Variants in KCNH8 observed in about 807,000 individuals in gnomAD.
The protein encoded by KCNH8 is voltage-gated delayed rectifier potassium channel KCNH8.
Under a neutral mutation model 103.6 loss-of-function variants are expected in KCNH8, and 70 were observed. That is an observed-to-expected ratio of 0.68 (90% confidence interval 0.56 to 0.82). The LOEUF (loss-of-function observed/expected upper bound fraction) is 0.82, where lower values mean the gene tolerates loss of function less well. Ranked by LOEUF, KCNH8 falls within the 40% of genes least tolerant of loss-of-function variation. The pLI is 0.00. For synonymous variants in KCNH8, 498 were observed against 489.4 expected (o/e 1.02, Z -0.23); for missense variants, 1,217 against 1,329.9 (o/e 0.92, Z 1.32).
chr3:19,438,602 C>T (rs888515752), intron 8 of KCNH8, among the ~76,000 whole-genome samples: 5 of 152,128 alleles, frequency 3.3e-5, no homozygotes, highest in African/African-American at 1.2e-4. Context: ...AAGATTAACA[C>T]GTGGGGCTCC....
At chr3:19,294,774 T>G (rs1575503434) in intron 3 of KCNH8, among the ~76,000 whole-genome samples, 1 of 152,308 alleles carries the variant, frequency 6.6e-6, no homozygotes, top group African/African-American at 2.4e-5. Flanking sequence ...AGAAAGATGT[T>G]GCCATAGGCT....
chr3:19,218,921 T>C (rs1411808328), intron 1 of KCNH8, among the ~76,000 whole-genome samples: 1 of 152,190 alleles, frequency 6.6e-6, no homozygotes, highest in East Asian at 1.9e-4. Context: ...GCCCACCTTA[T>C]TCCAGTATAA....
intron 1 of KCNH8, among the ~76,000 whole-genome samples, chr3:19,196,390 A>G (rs1054361036): frequency 2.0e-5 from 3 of 151,892 alleles, no homozygotes; most frequent in Non-Finnish European, 2.9e-5. Context: ...CCAATATCAT[A>G]GGTATTATCA....
At chr3:19,517,925 T>C (rs2068902593) in intron 14 of KCNH8, 73 bp from the exon 15 acceptor site, 5 of 1,219,712 alleles carry the variant, frequency 4.1e-6, no homozygotes, top group Middle Eastern at 1.9e-4. Context: ...TTCTTTCATA[T>C]TCTAATTGCC....
At chr3:19,498,986 C>A (rs1415455672) in intron 11 of KCNH8, among the ~76,000 whole-genome samples, 1 of 152,110 alleles carries the variant, frequency 6.6e-6, no homozygotes, top group East Asian at 1.9e-4. Flanking sequence ...CTCTTCAAAC[C>A]TCAGATGGCT....
chr3:19,329,573 C>G (rs1428147628), intron 3 of KCNH8, among the ~76,000 whole-genome samples: 2 of 151,970 alleles, frequency 1.3e-5, no homozygotes, highest in Non-Finnish European at 2.9e-5. Context: ...GATTTGCTCT[C>G]TAGAAGGGAA....
At chr3:19,286,776 A>G (rs1292712935) in intron 3 of KCNH8, among the ~76,000 whole-genome samples, 1 of 152,184 alleles carries the variant, frequency 6.6e-6, no homozygotes, top group African/African-American at 2.4e-5. Context: ...AAGCCTATAC[A>G]TGTTTAGTTG....
At chr3:19,375,560 C>G (rs372045092) in intron 5 of KCNH8, among the ~76,000 whole-genome samples, 2 of 150,120 alleles carry the variant, frequency 1.3e-5, no homozygotes, top group African/African-American at 4.9e-5. Flanking sequence ...AATGTCCTCC[C>G]GTAGCTCAGA....
intron 3 of KCNH8, among the ~76,000 whole-genome samples, chr3:19,291,612 T>C (rs2064927325): frequency 6.6e-6 from 1 of 152,192 alleles, no homozygotes; most frequent in Admixed American, 6.5e-5. Context: ...TGAGAGACAG[T>C]TTGTTATAAT....
chr3:19,390,949 T>C (rs191917562), intron 6 of KCNH8, among the ~76,000 whole-genome samples: 92 of 152,266 alleles, frequency 6.0e-4, no homozygotes, highest in African/African-American at 2.1e-3. Flanking sequence ...AATTTAAGCA[T>C]CACTTTATAT....
At chr3:19,404,455 A>G (rs2066661859) in intron 7 of KCNH8, among the ~76,000 whole-genome samples, 1 of 151,938 alleles carries the variant, frequency 6.6e-6, no homozygotes, top group Admixed American at 6.6e-5. Flanking sequence ...TTTGCTGACC[A>G]TTCATTGGTT....
chr3:19,481,169 GTTGT>G (rs943264680), intron 11 of KCNH8, among the ~76,000 whole-genome samples: 4 of 151,954 alleles, frequency 2.6e-5, no homozygotes, highest in African/African-American at 9.7e-5. Context: ...CATTGATTTT[GTTGT>G]TTATTTATAT....
At position 19,284,835 on chromosome 3, in the gene KCNH8, A is replaced by C. The variant is rs907191644; in HGVS notation, c.442+3506A>C. Among the ~76,000 whole-genome samples the C allele has an allele frequency of 2.6e-5, 4 of 151,598 alleles. No homozygotes were observed. In the East Asian group the frequency reaches 7.7e-4, roughly 29 times the overall value. The stretch of plus-strand genomic sequence containing the variant: ...TTGAGGTTCTTTTGTTGCTGATCAG[A>C]AATCTTGGCTGGCAGTTAAATATGT... On this transcript the variant is annotated intron_variant, in intron 3 of 15. Coordinates refer to ENST00000328405, the MANE Select transcript of KCNH8 (RefSeq NM_144633.3).
At chr3:19,354,783 A>C (rs1172781434) in intron 5 of KCNH8, among the ~76,000 whole-genome samples, 1 of 152,226 alleles carries the variant, frequency 6.6e-6, no homozygotes, top group Admixed American at 6.5e-5. Flanking sequence ...AAACCCTAGA[A>C]GAAAACCTAG....
chr3:19,390,641 G>A lies in KCNH8; in HGVS notation c.969+3G>A. 6.2e-7 allele frequency: 1 copy of A among 1,610,620 alleles called. No homozygotes were observed. Among genetic ancestry groups the A allele is most frequent in the South Asian group, 1.1e-5 (1 of 90,416 alleles). On this transcript the variant is annotated splice_donor_region_variant and intron_variant, in intron 6 of 15. Coordinates refer to ENST00000328405, the MANE Select transcript of KCNH8 (RefSeq NM_144633.3). The stretch of plus-strand genomic sequence containing the variant: ...TGTATGCTTTCAACGTCACAGTGGT[G>A]AGTAAAGAGCTCCCCGCCACATGGC...
At chr3:19,316,614 T>C (rs902997976) in intron 3 of KCNH8, among the ~76,000 whole-genome samples, 2 of 151,972 alleles carry the variant, frequency 1.3e-5, no homozygotes, top group Non-Finnish European at 2.9e-5. Flanking sequence ...CTCCTCCAGC[T>C]CTTACATATC....
chr3:19,220,182 C>T (rs2063858380), intron 1 of KCNH8, among the ~76,000 whole-genome samples: 1 of 152,130 alleles, frequency 6.6e-6, no homozygotes, highest in Non-Finnish European at 1.5e-5. Context: ...AGGTCTTGGC[C>T]ATTGCTGTTT....
chr3:19,418,197 T>G (rs2066892062), intron 7 of KCNH8, among the ~76,000 whole-genome samples: 1 of 152,200 alleles, frequency 6.6e-6, no homozygotes, highest in Admixed American at 6.5e-5. Flanking sequence ...GAAGGAAATC[T>G]CACAGTGTAT....
At chr3:19,285,804 C>T (rs1054009993) in intron 3 of KCNH8, among the ~76,000 whole-genome samples, 5 of 152,024 alleles carry the variant, frequency 3.3e-5, no homozygotes, top group African/African-American at 9.7e-5. Context: ...GCAAAGTGCT[C>T]GTAATCTTAT....
Sources: gnomAD v4.1 joint callset for allele counts (sites outside exome capture counted in the v4.1 genomes callset) on GRCh38, gnomAD v4.1.1 for gene constraint, MANE v1.5 for transcripts, NCBI Gene and HGNC (gene_info 2026-07-23, HGNC 2026-07-21) for gene names.